Variants in OR9Q1 observed in about 807,000 individuals in gnomAD.
The protein encoded by OR9Q1 is olfactory receptor family 9 subfamily Q member 1.
For synonymous variants in OR9Q1, 153 were observed against 148.6 expected (o/e 1.03, Z -0.22); for missense variants, 374 against 378.8 (o/e 0.99, Z 0.11).
intron 2 of OR9Q1, among the ~76,000 whole-genome samples, chr11:58,081,209 G>T (rs1328417684): frequency 6.6e-6 from 1 of 152,146 alleles, no homozygotes; most frequent in African/African-American, 2.4e-5. Flanking sequence ...TCTTAATCCA[G>T]TCTATCACTG....
At chr11:58,125,881 C>T (rs1854086039) in intron 2 of OR9Q1, among the ~76,000 whole-genome samples, 1 of 152,146 alleles carries the variant, frequency 6.6e-6, no homozygotes, top group Non-Finnish European at 1.5e-5. Flanking sequence ...GCTCACCATT[C>T]CCAAAGTTAC....
At chr11:58,048,875 ACT>A (rs1332633070) in intron 1 of OR9Q1, among the ~76,000 whole-genome samples, 1 of 78,020 alleles carries the variant, frequency 1.3e-5, no homozygotes, top group East Asian at 3.8e-4. Flanking sequence ...CGACACATAC[ACT>A]CTCCCAAGAC....
At chr11:58,038,491 G>T (rs1454585057) in intron 1 of OR9Q1, among the ~76,000 whole-genome samples, 4 of 152,180 alleles carry the variant, frequency 2.6e-5, no homozygotes, top group Admixed American at 1.3e-4. Context: ...ATGTCACAGG[G>T]AGTAATTCTG....
At chr11:58,114,286 G>A (rs1192361817) in intron 2 of OR9Q1, among the ~76,000 whole-genome samples, 1 of 152,134 alleles carries the variant, frequency 6.6e-6, no homozygotes, top group South Asian at 2.1e-4. Context: ...GTATCCTTGG[G>A]TGGTTTTATC....
chr11:58,179,590 T>C lies in OR9Q1; in HGVS notation c.146T>C (p.Ile49Thr), dbSNP rs769909092. 3 of 1,613,818 alleles carry C rather than the reference T, an allele frequency of 1.9e-6. No homozygotes were observed. In the South Asian group the frequency reaches 3.3e-5, roughly 18 times the overall value. The change falls in exon 3 of 3, where the codon ATC becomes ACC. Residue 49 changes from isoleucine (I) to threonine (T), a missense_variant. Physicochemically the swap from Ile to Thr is moderately conservative, Grantham distance 89. Transcript: ENST00000335397. ...GGGAACTTAGAGATGATTATTCTGA[T>C]CCTCATGGATCACCAGCTCCACGCT... ...VLGNLEMIIL[I>T]LMDHQLHAPM...
At chr11:58,083,241 T>G (rs993672934) in intron 2 of OR9Q1, among the ~76,000 whole-genome samples, 2 of 152,130 alleles carry the variant, frequency 1.3e-5, no homozygotes, top group African/African-American at 4.8e-5. Flanking sequence ...TAGCCAGTTT[T>G]CCCAGCACCA....
intron 1 of OR9Q1, among the ~76,000 whole-genome samples, chr11:58,054,248 G>T (rs527533876): frequency 1.2e-4 from 19 of 152,282 alleles, no homozygotes; most frequent in Admixed American, 1.2e-3. Context: ...TTTGGAAAAG[G>T]TGGGATTGGC....
intron 1 of OR9Q1, among the ~76,000 whole-genome samples, chr11:58,032,912 A>T (rs1853057250): frequency 6.6e-6 from 1 of 152,210 alleles, no homozygotes; most frequent in South Asian, 2.1e-4. Flanking sequence ...TCAACAAGAA[A>T]AAAACAATTA....
intron 1 of OR9Q1, among the ~76,000 whole-genome samples, chr11:58,053,309 G>GAAATT (rs1853286420): frequency 6.6e-6 from 1 of 151,632 alleles, no homozygotes; most frequent in Admixed American, 6.6e-5. Flanking sequence ...GGACATGGAT[G>GAAATT]AAATTGGAAA....
intron 2 of OR9Q1, among the ~76,000 whole-genome samples, chr11:58,153,902 T>G (rs737701): frequency 0.73 from 111,636 of 152,056 alleles, 41,208 homozygotes; most frequent in East Asian, 0.88. Context: ...AAGGAAGGCT[T>G]TCTCTGGAAT....
intron 1 of OR9Q1, among the ~76,000 whole-genome samples, chr11:58,033,687 G>T (rs2513727): frequency 2.0e-5 from 3 of 151,638 alleles, no homozygotes; most frequent in East Asian, 1.9e-4. Flanking sequence ...AATGAATAGA[G>T]TCCAAACCTT....
chr11:58,090,388 T>C (rs1853673007), intron 2 of OR9Q1, among the ~76,000 whole-genome samples: 1 of 152,198 alleles, frequency 6.6e-6, no homozygotes, highest in Non-Finnish European at 1.5e-5. Context: ...CCTTATCTGC[T>C]TCTATTGAGG....
At chr11:58,102,259 TTTTTACC>T (rs1853791537) in intron 2 of OR9Q1, among the ~76,000 whole-genome samples, 1 of 1,718 alleles carries the variant, frequency 5.8e-4, no homozygotes, top group Non-Finnish European at 1.2e-3. Flanking sequence ...TTGTATACCC[TTTTTACC>T]CTTTTTAACT....
At chr11:58,078,281 G>A (rs1853558493) in intron 2 of OR9Q1, 1 of 152,186 alleles carries the variant, frequency 6.6e-6, no homozygotes, top group South Asian at 2.1e-4. Context: ...GCTGTTGGCA[G>A]GAAACACTAA....
chr11:58,073,042 C>A, intron 2 of OR9Q1: 1 of 209,622 alleles, frequency 4.8e-6, no homozygotes. Context: ...TTTCCTGAGC[C>A]ATAAACTGTG....
intron 1 of OR9Q1, chr11:58,032,014 C>A: frequency 3.2e-6 from 2 of 633,102 alleles, no homozygotes; most frequent in Non-Finnish European, 2.7e-6. Context: ...TTATAACAGC[C>A]ACAAAAAATA....
At chr11:58,111,841 T>C (rs892387352) in intron 2 of OR9Q1, among the ~76,000 whole-genome samples, 4 of 152,144 alleles carry the variant, frequency 2.6e-5, no homozygotes, top group Non-Finnish European at 5.9e-5. Context: ...ATAACTCTTC[T>C]TGAGGTAGCA....
intron 2 of OR9Q1, among the ~76,000 whole-genome samples, chr11:58,129,236 CGTGTGTGTGTGTGTGTGT>C (rs59902083): frequency 1.4e-5 from 2 of 144,860 alleles, no homozygotes; most frequent in Admixed American, 6.9e-5. Context: ...CAGAGCAATT[CGTGTGTGTGTGTGTGTGT>C]GTGTGTGTGT....
chr11:58,069,762 G>A (rs930711920), intron 2 of OR9Q1, among the ~76,000 whole-genome samples: 4 of 151,478 alleles, frequency 2.6e-5, no homozygotes, highest in East Asian at 2.0e-4. Flanking sequence ...TCCTAGCTAC[G>A]GGGGAAGCTG....
Sources: allele counts gnomAD v4.1 joint callset (sites outside exome capture counted in the v4.1 genomes callset), GRCh38; gene constraint gnomAD v4.1.1; transcripts MANE v1.5; gene names NCBI Gene and HGNC (gene_info 2026-07-23, HGNC 2026-07-21).